The following POLD1 variants were observed in gnomAD, a reference collection of about 807,000 sequenced individuals.
The protein encoded by POLD1 is DNA polymerase delta catalytic subunit.
Under a neutral mutation model 129.7 loss-of-function variants are expected in POLD1, and 79 were observed. That is an observed-to-expected ratio of 0.61 (90% CI 0.51 to 0.73). The LOEUF is 0.73. Ranked by LOEUF, POLD1 falls within the 30% of genes least tolerant of loss-of-function variation. The pLI, the probability that POLD1 is intolerant of heterozygous loss-of-function variation, is 0.00. For missense variants in POLD1, 1,338 were observed against 1,595.8 expected (o/e 0.84, Z 2.75); for synonymous variants, 714 against 683.3 (o/e 1.04, Z -0.70).
chr19:50,416,279 C>G (rs935524004), intron 22 of POLD1, 117 bp from the exon 23 acceptor site: 38 of 1,084,658 alleles, frequency 3.5e-5, no homozygotes, highest in East Asian at 2.3e-4. Flanking sequence ...CCAGGCCCCC[C>G]CCATGTCACA....
At chr19:50,391,511 C>T (rs1214879897) in intron 1 of POLD1, among the ~76,000 whole-genome samples, 2 of 152,184 alleles carry the variant, frequency 1.3e-5, no homozygotes, top group African/African-American at 4.8e-5. Context: ...GCCCGGCCAA[C>T]ACGGCGAAAC....
chr19:50,392,210 G>A (rs1057312692), intron 1 of POLD1, among the ~76,000 whole-genome samples: 1 of 151,552 alleles, frequency 6.6e-6, no homozygotes, highest in Non-Finnish European at 1.5e-5. Flanking sequence ...AGCTGGGACT[G>A]TAGGTATGCA....
intron 1 of POLD1, among the ~76,000 whole-genome samples, chr19:50,394,250 T>TA (rs796124766): frequency 1.2e-4 from 19 of 152,258 alleles, no homozygotes; most frequent in African/African-American, 3.9e-4. Flanking sequence ...AGGGAGAACT[T>TA]AGTCACGTGG....
At chr19:50,403,336 G>A in intron 9 of POLD1, 117 bp downstream of exon 9, 4 of 1,148,258 alleles carry the variant, frequency 3.5e-6, no homozygotes, top group Non-Finnish European at 5.0e-6. Flanking sequence ...GTGGGTGTCT[G>A]TGGGTCTGGG....
chr19:50,389,132 C>CT (rs111255239), intron 1 of POLD1, among the ~76,000 whole-genome samples: 7,507 of 141,550 alleles, frequency 0.053, 632 homozygotes, highest in African/African-American at 0.18. Context: ...CACCTGGCCT[C>CT]TTTTTTTTTT....
rs1601217282 is a variant in POLD1, at chr19:50,406,543, A to G, written c.1494+26A>G. The G allele has an allele frequency of 6.6e-7, 1 of 1,508,348 alleles. No homozygotes were observed. Among genetic ancestry groups the G allele is most frequent in the South Asian group, 1.2e-5 (1 of 83,536 alleles). 93.4% of individuals were successfully genotyped at this position (1,508,348 alleles called of 1,614,324 possible). A position where few individuals can be genotyped will look rare whatever the true frequency, so the allele number is the denominator to read the frequency against. On this transcript the variant is annotated intron_variant, in intron 12 of 26. Transcript: ENST00000440232. This position sits in a 1 kb window ranked among gnomAD's most constrained non-coding sequence, Gnocchi z 5.5. ...GTGCCTGCTGCCTCCCTGACCTCTC[A>G]CCCCAACCTCTGACCTCCACCTCAC...
chr19:50,397,683 G>A (rs534858091), intron 1 of POLD1, among the ~76,000 whole-genome samples: 3 of 152,226 alleles, frequency 2.0e-5, no homozygotes, highest in African/African-American at 4.8e-5. Context: ...GATTACAGGC[G>A]TGAGCCATCA....
chr19:50,400,859 G>A (rs2038573566), intron 3 of POLD1, among the ~76,000 whole-genome samples: 1 of 151,480 alleles, frequency 6.6e-6, no homozygotes, highest in African/African-American at 2.4e-5. Context: ...CCAACTCCTG[G>A]CTAATTTTTT....
At chr19:50,408,338 A>AAAAAT (rs975301798) in intron 14 of POLD1, among the ~76,000 whole-genome samples, 3 of 152,200 alleles carry the variant, frequency 2.0e-5, no homozygotes, top group Non-Finnish European at 2.9e-5. Flanking sequence ...CCGTCTCAAA[A>AAAAAT]AAAATAAAAT....
chr19:50,394,427 G>A (rs3219338), intron 1 of POLD1, among the ~76,000 whole-genome samples: 49 of 152,162 alleles, frequency 3.2e-4, no homozygotes, highest in Middle Eastern at 3.4e-3. Flanking sequence ...CGAGGCGGGC[G>A]GATCATCTGA....
At chr19:50,408,932 G>A (rs1485643055) in intron 15 of POLD1, 31 bp downstream of exon 15, 28 of 1,584,732 alleles carry the variant, frequency 1.8e-5, no homozygotes, top group African/African-American at 2.7e-5. Flanking sequence ...TGTGTCCCCC[G>A]AGGCCCATCT....
rs766297337 is a variant in POLD1 at position 50,409,667 on chromosome 19, G to A, written c.2154+1G>A. On this transcript the variant is annotated splice_donor_variant, in intron 17 of 26. Coordinates refer to ENST00000440232, the MANE Select transcript of POLD1 (RefSeq NM_002691.4). LOFTEE classifies it high-confidence loss of function. The surrounding 1 kb of genome is among the most constrained non-coding windows in gnomAD (Gnocchi z 5.8). ...GTTGCCGTGCCTGGAGATCTCACAG[G>A]TGGGCACTCGGGCCCCTGGAAGGCA... 2 of 1,597,224 alleles carry A rather than the reference G, an allele frequency of 1.3e-6. No homozygotes were observed. Among genetic ancestry groups the A allele is most frequent in the Non-Finnish European group, 1.7e-6 (2 of 1,169,076 alleles).
intron 1 of POLD1, among the ~76,000 whole-genome samples, chr19:50,397,295 A>C (rs1213826052): frequency 6.6e-6 from 1 of 151,414 alleles, no homozygotes; most frequent in African/African-American, 2.4e-5. Flanking sequence ...GCTACTTGGG[A>C]GGCTGAGGCA....
At chr19:50,398,749 A>T in intron 1 of POLD1, 102 bp from the exon 2 acceptor site, 1 of 1,513,776 alleles carries the variant, frequency 6.6e-7, no homozygotes, top group Non-Finnish European at 8.8e-7. Flanking sequence ...AGTCCAGAGT[A>T]GGAAAAGGCT....
At chr19:50,416,008 C>T (rs2039274665) in intron 22 of POLD1, 182 bp downstream of exon 22, 3 of 590,442 alleles carry the variant, frequency 5.1e-6, no homozygotes, top group Admixed American at 6.2e-5. Context: ...CTATTCTGAC[C>T]CCTCCCTTGC....
chr19:50,403,019 A>G (rs2038718624), intron 8 of POLD1, 34 bp from the exon 9 acceptor site: 1 of 1,550,502 alleles, frequency 6.4e-7, no homozygotes, highest in Non-Finnish European at 8.7e-7. Context: ...AGTGAGGGGC[A>G]GGAGTCAGGC....
At chr19:50,396,559 G>T (rs1023043172) in intron 1 of POLD1, among the ~76,000 whole-genome samples, 2 of 151,790 alleles carry the variant, frequency 1.3e-5, no homozygotes, top group Admixed American at 1.3e-4. Context: ...CTCACTGCAT[G>T]CTCTGCCTCC....
rs2037894747 is a variant in POLD1 at position 50,384,400 on chromosome 19, G to A, written c.-2+10G>A. On this transcript the variant is annotated intron_variant, in intron 1 of 26. Coordinates refer to ENST00000440232, the MANE Select transcript of POLD1 (RefSeq NM_002691.4). ...ACGCTGTTTGAAGCGGGTGAGTAGA[G>A]GGGAAAAAGGGAGTTCGGGGCAGTG... 6.6e-6 allele frequency: 1 copy of A among 152,588 alleles called. No individual in the cohort carries two copies. The highest frequency in any genetic ancestry group is 1.5e-5 in the Non-Finnish European group (1 of 68,260). 9.5% of individuals were successfully genotyped at this position (152,588 alleles called of 1,614,324 possible).
intron 19 of POLD1, among the ~76,000 whole-genome samples, chr19:50,414,356 G>A (rs777785692): frequency 2.6e-5 from 4 of 152,246 alleles, no homozygotes; most frequent in Admixed American, 6.5e-5. Context: ...GGGCTCCGGC[G>A]ATCCTCCCGC....
Sources: gnomAD v4.1 joint callset for allele counts (sites outside exome capture counted in the v4.1 genomes callset) on GRCh38, gnomAD v4.1.1 for gene constraint, Gnocchi (gnomAD v3.1) non-coding constraint, MANE v1.5 for transcripts, NCBI Gene and HGNC (gene_info 2026-07-23, HGNC 2026-07-21) for gene names.